Variants in PRKCB observed in about 807,000 individuals in gnomAD.
PRKCB encodes protein kinase C beta, also known as protein kinase C beta type.
A neutral mutation model predicts 81.5 loss-of-function variants in PRKCB; 13 were observed. The observed-to-expected ratio is 0.16, with a 90% CI of 0.10 to 0.25. The LOEUF is 0.25. Ranked by LOEUF, PRKCB falls within the 10% of genes least tolerant of loss-of-function variation. The pLI is 1.00. For missense variants in PRKCB, 509 were observed against 875.7 expected, an observed-to-expected ratio of 0.58 and a Z score of 5.29; for synonymous variants, 335 against 321.4, an observed-to-expected ratio of 1.04 and a Z score of -0.45.
intron 6 of PRKCB, among the ~76,000 whole-genome samples, chr16:24,093,286 C>G (rs1279577501): frequency 6.6e-6 from 1 of 152,108 alleles, no homozygotes; most frequent in East Asian, 1.9e-4. Flanking sequence ...GGAACATAAC[C>G]TACAGGGTGT....
intron 10 of PRKCB, among the ~76,000 whole-genome samples, chr16:24,162,681 T>C (rs1439267376): frequency 1.3e-5 from 2 of 151,982 alleles, no homozygotes; most frequent in African/African-American, 2.4e-5. Flanking sequence ...CTCAAACTCC[T>C]AGGCTCAAGT....
intron 2 of PRKCB, among the ~76,000 whole-genome samples, chr16:23,875,502 T>TGTATATCACACAC (rs1209313131): frequency 0.044 from 956 of 21,786 alleles, 229 homozygotes; most frequent in East Asian, 0.12. Flanking sequence ...TATATATATA[T>TGTATATCACACAC]ATATGATGTA....
chr16:23,927,787 GC>G (rs1963916953), intron 2 of PRKCB, among the ~76,000 whole-genome samples: 1 of 152,038 alleles, frequency 6.6e-6, no homozygotes, highest in South Asian at 2.1e-4. Context: ...CGCTGGTGGT[GC>G]TTTTGACAGA....
chr16:24,109,095 G>A (rs1298392805), intron 7 of PRKCB, among the ~76,000 whole-genome samples: 16 of 147,414 alleles, frequency 1.1e-4, no homozygotes, highest in Non-Finnish European at 2.0e-4. Context: ...TCACTTCCCA[G>A]TAGGGGCGGC....
Position 24,217,143 on chromosome 16 carries a change from A to T in PRKCB, c.*2327A>T. On this transcript the variant is annotated 3_prime_UTR_variant, in exon 17 of 17. Coordinates refer to ENST00000643927, the MANE Select transcript of PRKCB (RefSeq NM_002738.7). ...GAAGGAAAGAAAGAAAGAGAAAGGA[A>T]GGAAGGAAAGAAGGAAGGAAAAGAA... 1.0e-6 allele frequency: 1 copy of T among 982,556 alleles called. No individual in the cohort carries two copies. The highest frequency in any genetic ancestry group is 1.2e-6 in the Non-Finnish European group (1 of 827,488). The allele number at this position is 982,556 out of a possible 1,614,324, so 60.9% of individuals were successfully genotyped here.
At chr16:23,924,036 C>T (rs1301121889) in intron 2 of PRKCB, among the ~76,000 whole-genome samples, 1 of 152,042 alleles carries the variant, frequency 6.6e-6, no homozygotes, top group Non-Finnish European at 1.5e-5. Context: ...GTGTCCCCAC[C>T]CAAATCTCAT....
intron 2 of PRKCB, among the ~76,000 whole-genome samples, chr16:23,983,646 A>T (rs1162435676): frequency 6.6e-6 from 1 of 152,180 alleles, no homozygotes; most frequent in African/African-American, 2.4e-5. Context: ...TGTGGTAGAC[A>T]CTAGGAGACT....
At chr16:24,016,291 G>A (rs539824739) in intron 3 of PRKCB, among the ~76,000 whole-genome samples, 4 of 152,180 alleles carry the variant, frequency 2.6e-5, no homozygotes, top group Admixed American at 1.3e-4. Flanking sequence ...TTCACCCAGC[G>A]GCCTGGGTGG....
intron 15 of PRKCB, among the ~76,000 whole-genome samples, chr16:24,186,331 A>G (rs1201783207): frequency 6.6e-6 from 1 of 152,152 alleles, no homozygotes; most frequent in Admixed American, 6.5e-5. Context: ...CTTACCCCAG[A>G]GATTAAGTCT....
intron 16 of PRKCB, among the ~76,000 whole-genome samples, chr16:24,193,615 A>G (rs1030344412): frequency 6.6e-6 from 1 of 152,120 alleles, no homozygotes; most frequent in Non-Finnish European, 1.5e-5. Context: ...GCACCCAGCC[A>G]AGAGAATCAT....
intron 4 of PRKCB, among the ~76,000 whole-genome samples, chr16:24,033,053 C>T (rs1321359035): frequency 6.6e-6 from 1 of 152,192 alleles, no homozygotes; most frequent in Non-Finnish European, 1.5e-5. Context: ...TAGGACTCCT[C>T]TTTATGAGGC....
intron 2 of PRKCB, among the ~76,000 whole-genome samples, chr16:23,960,243 A>C (rs1454109849): frequency 6.6e-6 from 1 of 152,178 alleles, no homozygotes; most frequent in Non-Finnish European, 1.5e-5. Context: ...TTTCACAAAA[A>C]TACTTTATTA....
intron 9 of PRKCB, among the ~76,000 whole-genome samples, chr16:24,125,618 G>A (rs1188716644): frequency 6.6e-6 from 1 of 152,172 alleles, no homozygotes; most frequent in Non-Finnish European, 1.5e-5. Context: ...TGCTTTTCTT[G>A]TGTCCTTGTT....
chr16:23,953,888 C>CTTTT (rs5816234), intron 2 of PRKCB, among the ~76,000 whole-genome samples: 15 of 146,318 alleles, frequency 1.0e-4, no homozygotes, highest in Non-Finnish European at 9.0e-5. Context: ...AGGCATCCAT[C>CTTTT]TTTTTTTTTT....
chr16:23,985,216 A>G (rs539282030), intron 2 of PRKCB, among the ~76,000 whole-genome samples: 1 of 152,076 alleles, frequency 6.6e-6, no homozygotes, highest in African/African-American at 2.4e-5. Flanking sequence ...TCAGCCTTCC[A>G]AGTACCTGGG....
At chr16:24,153,207 TC>T (rs1164369607) in intron 9 of PRKCB, among the ~76,000 whole-genome samples, 1 of 152,170 alleles carries the variant, frequency 6.6e-6, no homozygotes, top group African/African-American at 2.4e-5. Context: ...CATCCTCTGG[TC>T]CTCCAGCTGA....
At chr16:24,210,852 A>G (rs75328637) in intron 16 of PRKCB, among the ~76,000 whole-genome samples, 4,343 of 152,228 alleles carry the variant, frequency 0.029, 183 homozygotes, top group African/African-American at 0.096. Flanking sequence ...TAAAACATAT[A>G]TTCACATTTA....
intron 9 of PRKCB, among the ~76,000 whole-genome samples, chr16:24,125,448 G>T (rs1333007136): frequency 6.6e-6 from 1 of 152,158 alleles, no homozygotes; most frequent in Non-Finnish European, 1.5e-5. Flanking sequence ...TTGTGATTCA[G>T]CTCCTTTTGC....
At chr16:24,029,916 A>C (rs531726653) in intron 3 of PRKCB, among the ~76,000 whole-genome samples, 1 of 152,012 alleles carries the variant, frequency 6.6e-6, no homozygotes, top group African/African-American at 2.4e-5. Flanking sequence ...TTTTTTTAAG[A>C]GAGAGAGGGT....
Sources: allele counts gnomAD v4.1 joint callset (sites outside exome capture counted in the v4.1 genomes callset), GRCh38; gene constraint gnomAD v4.1.1; transcripts MANE v1.5; gene names NCBI Gene and HGNC (gene_info 2026-07-23, HGNC 2026-07-21).